KLHL8: variants seen among roughly 807,000 people sequenced by gnomAD.
KLHL8 encodes kelch-like protein 8.
A neutral mutation model predicts 63.5 loss-of-function variants in KLHL8; 38 were observed. The observed-to-expected ratio is 0.60, with a 90% confidence interval of 0.46 to 0.78. The LOEUF (loss-of-function observed/expected upper bound fraction) is 0.78, where lower values mean the gene tolerates loss of function less well. KLHL8 is among the 30% of genes least tolerant of loss of function. The probability of loss-of-function intolerance (pLI) is 0.00; values close to 1 mark genes in which losing one functional copy is unlikely to be tolerated. For missense variants in KLHL8, 566 were observed against 752.4 expected (o/e 0.75, Z 2.90); for synonymous variants, 224 against 254.3 (o/e 0.88, Z 1.13).
chr4:87,192,977 G>T, intron 2 of KLHL8, among the ~76,000 whole-genome samples: 1 of 152,124 alleles, frequency 6.6e-6, no homozygotes, highest in East Asian at 1.9e-4. Context: ...GGCTCGGGGT[G>T]AATTACTGAG....
At chr4:87,230,334 C>T (rs1427121304) in intron 1 of KLHL8, among the ~76,000 whole-genome samples, 1 of 152,176 alleles carries the variant, frequency 6.6e-6, no homozygotes, top group African/African-American at 2.4e-5. Context: ...TGCTGGAAGC[C>T]AGGGGACAAG....
rs144616674 is a variant in KLHL8 at position 87,207,986 on chromosome 4, T to C, written c.-151-12296A>G. On this transcript the variant is annotated intron_variant, in intron 1 of 9. Coordinates refer to ENST00000273963, the MANE Select transcript of KLHL8 (RefSeq NM_020803.5). ...TCCACCTTCAATGTTAGGGCTGGCA[T>C]TGCCCTCAACAACCACTTTGTCAAG... is the stretch of plus-strand genomic sequence containing the variant. 3.2e-4 allele frequency: 240 copies of C among 753,608 alleles called. No homozygotes were observed. The African/African-American group carries it at 3.6e-3, about 11-fold the overall frequency. 46.7% of individuals were successfully genotyped at this position (753,608 alleles called of 1,614,324 possible). A position where few individuals can be genotyped will look rare whatever the true frequency, so the allele number is the denominator to read the frequency against.
intron 2 of KLHL8, among the ~76,000 whole-genome samples, chr4:87,194,412 T>C (rs2110012199): frequency 6.6e-6 from 1 of 152,308 alleles, no homozygotes; most frequent in East Asian, 1.9e-4. Context: ...TGGCTCACAG[T>C]TATAATCCCA....
intron 8 of KLHL8, among the ~76,000 whole-genome samples, chr4:87,164,457 T>C (rs1398948880): frequency 6.6e-6 from 1 of 152,160 alleles, no homozygotes; most frequent in Non-Finnish European, 1.5e-5. Context: ...TCTCTGTGTA[T>C]TATATCTTAA....
chr4:87,197,521 T>C (rs892077739), intron 1 of KLHL8, among the ~76,000 whole-genome samples: 1 of 152,258 alleles, frequency 6.6e-6, no homozygotes, highest in South Asian at 2.1e-4. Flanking sequence ...GCCTGGCCAA[T>C]AGCTTTATTG....
intron 1 of KLHL8, among the ~76,000 whole-genome samples, chr4:87,209,714 TACTA>T (rs1038510774): frequency 7.9e-5 from 12 of 152,300 alleles, no homozygotes; most frequent in African/African-American, 2.4e-4. Context: ...CTGAATACTG[TACTA>T]ACTCACTTTA....
chr4:87,164,871 G>C (rs992016755), intron 8 of KLHL8, among the ~76,000 whole-genome samples: 1 of 152,020 alleles, frequency 6.6e-6, no homozygotes, highest in Non-Finnish European at 1.5e-5. Context: ...GTCAGAGGCC[G>C]GGCGCGGTGG....
chr4:87,164,936 C>A (rs932936368), intron 8 of KLHL8, among the ~76,000 whole-genome samples: 6 of 151,920 alleles, frequency 3.9e-5, no homozygotes, highest in East Asian at 3.9e-4. Context: ...ATCACGAGGT[C>A]AGGAGATCGA....
intron 2 of KLHL8, among the ~76,000 whole-genome samples, chr4:87,192,390 T>G (rs1245721135): frequency 6.6e-6 from 1 of 152,226 alleles, no homozygotes; most frequent in Non-Finnish European, 1.5e-5. Context: ...TTTTCATGTA[T>G]TTGTTGGCCA....
chr4:87,176,580 A>C (rs1244946835), intron 6 of KLHL8, among the ~76,000 whole-genome samples, 177 bp downstream of exon 6: 1 of 152,244 alleles, frequency 6.6e-6, no homozygotes, highest in East Asian at 1.9e-4. Flanking sequence ...TGCATTTTTA[A>C]TTCTTAAAAA....
At chr4:87,225,248 G>C (rs751253134), upstream of KLHL8, among the ~76,000 whole-genome samples, 5 of 152,088 alleles carry the variant, frequency 3.3e-5, no homozygotes, top group Non-Finnish European at 5.9e-5. Context: ...CCCCTCTCCA[G>C]TTTTGGGTTA....
At chr4:87,187,601 A>G (rs1215901939) in intron 2 of KLHL8, among the ~76,000 whole-genome samples, 1 of 152,056 alleles carries the variant, frequency 6.6e-6, no homozygotes, top group Non-Finnish European at 1.5e-5. Flanking sequence ...ATTTTTATGT[A>G]ATTAAATGAA....
At chr4:87,212,023 G>GA (rs1279379373) in intron 1 of KLHL8, among the ~76,000 whole-genome samples, 1 of 151,876 alleles carries the variant, frequency 6.6e-6, no homozygotes, top group East Asian at 1.9e-4. Context: ...CTTACGTATA[G>GA]AAAAAAGGTA....
At chr4:87,178,106 T>C (rs969466159) in intron 5 of KLHL8, among the ~76,000 whole-genome samples, 1 of 152,092 alleles carries the variant, frequency 6.6e-6, no homozygotes, top group Admixed American at 6.5e-5. Flanking sequence ...CTAAAATTAA[T>C]TCATTTTCAG....
chr4:87,163,702 A>C, intron 9 of KLHL8, 60 bp from the exon 10 acceptor site: 1 of 1,598,704 alleles, frequency 6.3e-7, no homozygotes, highest in Non-Finnish European at 8.5e-7. Flanking sequence ...CAAAATACTA[A>C]CCAAAGACAA....
At chr4:87,219,539 A>T (rs1339027088) in intron 1 of KLHL8, 1 of 152,306 alleles carries the variant, frequency 6.6e-6, no homozygotes, top group Non-Finnish European at 1.5e-5. Flanking sequence ...AGATGAAAAT[A>T]CTGAACGTTT....
chr4:87,225,004 C>G (rs1454686842), upstream of KLHL8, among the ~76,000 whole-genome samples: 1 of 152,116 alleles, frequency 6.6e-6, no homozygotes, highest in Non-Finnish European at 1.5e-5. Flanking sequence ...TCTTGAACTC[C>G]TGGCCTCGAG....
At chr4:87,163,769 A>T (rs540412717) in intron 9 of KLHL8, 109 bp downstream of exon 9, 1 of 1,517,724 alleles carries the variant, frequency 6.6e-7, no homozygotes, top group African/African-American at 1.4e-5. Flanking sequence ...GGGAGATAAG[A>T]TATCCCAAAG....
At chr4:87,195,717 G>C (rs1731669868) in intron 1 of KLHL8, 27 bp from the exon 2 acceptor site, 1 of 507,282 alleles carries the variant, frequency 2.0e-6, no homozygotes, top group African/African-American at 1.9e-5. Context: ...AAAACAGGTA[G>C]AGACAAACGA....
Sources: allele counts gnomAD v4.1 joint callset (sites outside exome capture counted in the v4.1 genomes callset), GRCh38; gene constraint gnomAD v4.1.1; transcripts MANE v1.5; gene names NCBI Gene and HGNC (gene_info 2026-07-23, HGNC 2026-07-21).